The following SLCO3A1 variants were observed in gnomAD, a reference collection of about 807,000 sequenced individuals.
SLCO3A1 encodes solute carrier organic anion transporter family member 3A1, also known as PGE1 transporter.
Under a neutral mutation model 63.1 loss-of-function variants are expected in SLCO3A1, and 27 were observed. The ratio of observed to expected loss-of-function variants is 0.43; its 90% confidence interval spans 0.32 to 0.59. SLCO3A1 has a LOEUF of 0.59. SLCO3A1 is among the 20% of genes least tolerant of loss of function. The probability of loss-of-function intolerance (pLI) is 0.09; values close to 1 mark genes in which losing one functional copy is unlikely to be tolerated. For missense variants in SLCO3A1, 773 were observed against 945.8 expected (o/e 0.82, Z 2.40); for synonymous variants, 473 against 409.9 (o/e 1.15, Z -1.86).
At chr15:92,089,417 T>A (rs1219559701) in intron 2 of SLCO3A1, among the ~76,000 whole-genome samples, 1 of 152,178 alleles carries the variant, frequency 6.6e-6, no homozygotes, top group African/African-American at 2.4e-5. Flanking sequence ...CCCCTCACCA[T>A]CATGTACTCT....
intron 2 of SLCO3A1, among the ~76,000 whole-genome samples, chr15:91,959,157 A>G (rs1900344269): frequency 6.6e-6 from 1 of 152,208 alleles, no homozygotes; most frequent in Non-Finnish European, 1.5e-5. Context: ...TTCTAAGGGA[A>G]GTAGCTCAGG....
At chr15:91,907,191 C>T (rs1178068126) in intron 1 of SLCO3A1, among the ~76,000 whole-genome samples, 1 of 152,052 alleles carries the variant, frequency 6.6e-6, no homozygotes, top group African/African-American at 2.4e-5. Flanking sequence ...AAAGGACAGA[C>T]CAAGGAGGCC....
chr15:91,858,479 CTTTG>C (rs1896976638), intron 1 of SLCO3A1, among the ~76,000 whole-genome samples: 1 of 151,944 alleles, frequency 6.6e-6, no homozygotes, highest in African/African-American at 2.4e-5. Context: ...GTGTATTTAT[CTTTG>C]TTTGTGAGGG....
In SLCO3A1 at chr15:91,884,308, A is replaced by G. The variant is rs570629389; in HGVS notation, c.180+30220A>G. ...TGGATCACCTGAGATTGGGAGTTCA[A>G]GACCAGACTGGCCAACATGGGGAAA... is the stretch of plus-strand genomic sequence containing the variant. On this transcript the variant is annotated intron_variant, in intron 1 of 9. Transcript: ENST00000318445. 7.9e-5 allele frequency among the ~76,000 whole-genome samples: 12 copies of G among 152,256 alleles called. No homozygotes were observed. In the Middle Eastern group the frequency reaches 0.014, roughly 173 times the overall value.
At chr15:91,899,271 G>T (rs1226187510) in intron 1 of SLCO3A1, among the ~76,000 whole-genome samples, 1 of 152,136 alleles carries the variant, frequency 6.6e-6, no homozygotes, top group Non-Finnish European at 1.5e-5. Context: ...GTTCAGTGTG[G>T]GGGGGATGGG....
chr15:92,157,616 G>A (rs962406376), intron 9 of SLCO3A1, among the ~76,000 whole-genome samples: 21 of 151,618 alleles, frequency 1.4e-4, no homozygotes, highest in South Asian at 1.0e-3. Flanking sequence ...TCAGCCTCCC[G>A]GGTACATGTA....
downstream of SLCO3A1, among the ~76,000 whole-genome samples, chr15:92,169,585 T>TG (rs1181427927): frequency 1.4e-5 from 2 of 142,522 alleles, no homozygotes; most frequent in Non-Finnish European, 3.0e-5. Context: ...GATAGGAGAC[T>TG]CCTAGTGCAT....
chr15:92,013,467 G>A (rs1242830808), intron 2 of SLCO3A1, among the ~76,000 whole-genome samples: 2 of 152,152 alleles, frequency 1.3e-5, no homozygotes, highest in Admixed American at 6.5e-5. Flanking sequence ...TGACCCCTTT[G>A]TGGCAGAAGG....
At chr15:91,923,321 G>A (rs1898909448) in intron 2 of SLCO3A1, among the ~76,000 whole-genome samples, 1 of 152,190 alleles carries the variant, frequency 6.6e-6, no homozygotes, top group Non-Finnish European at 1.5e-5. Flanking sequence ...CAGATCTTTG[G>A]ACAAGAGCCC....
intron 2 of SLCO3A1, among the ~76,000 whole-genome samples, chr15:91,985,729 G>A (rs532439934): frequency 1.3e-5 from 2 of 152,326 alleles, no homozygotes; most frequent in South Asian, 4.1e-4. Flanking sequence ...CCTCAGGAGT[G>A]TGCCAGTTCT....
In SLCO3A1 at chr15:91,912,572, T is replaced by G. The variant is rs1898520373; in HGVS notation, c.181-3421T>G. On this transcript the variant is annotated intron_variant, in intron 1 of 9. Transcript: ENST00000318445. This position sits in a 1 kb window ranked among gnomAD's most constrained non-coding sequence, Gnocchi z 5.0. Reference sequence around the variant, plus strand: ...CTTATCTGTCATCAATGTGCACACCTGCATGATATTTTATGACACAGCACA... The same window carrying G: ...CTTATCTGTCATCAATGTGCACACCGGCATGATATTTTATGACACAGCACA... Among the ~76,000 whole-genome samples the G allele has an allele frequency of 6.6e-6, 1 of 152,242 alleles. No homozygotes were observed. Among genetic ancestry groups the G allele is most frequent in the Non-Finnish European group, 1.5e-5 (1 of 68,042 alleles).
At chr15:92,140,742 T>C (rs2048120905) in intron 7 of SLCO3A1, among the ~76,000 whole-genome samples, 1 of 152,236 alleles carries the variant, frequency 6.6e-6, no homozygotes, top group South Asian at 2.1e-4. Context: ...AATGGCCTTC[T>C]TTGTCTCTTT....
intron 1 of SLCO3A1, among the ~76,000 whole-genome samples, chr15:91,902,065 T>A (rs1267246714): frequency 6.6e-6 from 1 of 152,208 alleles, no homozygotes; most frequent in African/African-American, 2.4e-5. Flanking sequence ...GTTTACTGAT[T>A]TACTGATTCT....
chr15:92,107,736 A>G (rs2047682936), intron 4 of SLCO3A1, among the ~76,000 whole-genome samples: 1 of 152,198 alleles, frequency 6.6e-6, no homozygotes, highest in Non-Finnish European at 1.5e-5. Flanking sequence ...GCATTATGCC[A>G]GGAAGAGCCC....
At chr15:91,953,572 C>G (rs935986369) in intron 2 of SLCO3A1, among the ~76,000 whole-genome samples, 1 of 152,160 alleles carries the variant, frequency 6.6e-6, no homozygotes, top group African/African-American at 2.4e-5. Context: ...GGCCTGCACT[C>G]ACAGAACTAC....
At chr15:91,906,495 C>T (rs1898312762) in intron 1 of SLCO3A1, among the ~76,000 whole-genome samples, 1 of 152,146 alleles carries the variant, frequency 6.6e-6, no homozygotes, top group Non-Finnish European at 1.5e-5. Context: ...GACAGGAAGC[C>T]GGGGCCCTAG....
rs756344057 is a variant in SLCO3A1, at chr15:91,865,287, A to G, written c.180+11199A>G. Among the ~76,000 whole-genome samples, 146 of 152,212 alleles carry G rather than the reference A, an allele frequency of 9.6e-4. 1 individual carries two copies. Among genetic ancestry groups the G allele is most frequent in the Non-Finnish European group, 1.5e-3 (105 of 68,030 alleles). ...GTAGGATTATTCCCTAACATTTTCA[A>G]TATCTCAGATGCTAGACCAAAATTG... On this transcript the variant is annotated intron_variant, in intron 1 of 9. Transcript: ENST00000318445. The surrounding 1 kb of genome is among the most constrained non-coding windows in gnomAD (Gnocchi z 4.6).
At chr15:92,077,487 G>A (rs75158551) in intron 2 of SLCO3A1, among the ~76,000 whole-genome samples, 404 of 152,328 alleles carry the variant, frequency 2.7e-3, no homozygotes, top group Middle Eastern at 0.024. Context: ...GAACTGCACT[G>A]CTTCAGCCAC....
At chr15:91,895,484 A>G (rs925165622) in intron 1 of SLCO3A1, among the ~76,000 whole-genome samples, 2 of 152,222 alleles carry the variant, frequency 1.3e-5, no homozygotes, top group Admixed American at 6.5e-5. Context: ...GCTCAACCAT[A>G]GTGGTCATCC....
Sources: gnomAD v4.1 joint callset for allele counts (sites outside exome capture counted in the v4.1 genomes callset) on GRCh38, gnomAD v4.1.1 for gene constraint, Gnocchi (gnomAD v3.1) non-coding constraint, MANE v1.5 for transcripts, NCBI Gene and HGNC (gene_info 2026-07-23, HGNC 2026-07-21) for gene names.